Variants in C3 observed in about 807,000 individuals in gnomAD.
C3 encodes complement C3.
Under a neutral mutation model 207.9 loss-of-function variants are expected in C3, and 97 were observed. That is an observed-to-expected ratio of 0.47 (90% CI 0.40 to 0.55). C3 has a LOEUF of 0.55. C3 is among the 20% of genes least tolerant of loss of function. The pLI is 0.00. For missense variants in C3, 1,684 were observed against 2,171.7 expected, an observed-to-expected ratio of 0.78 and a Z score of 4.46; for synonymous variants, 848 against 857.6, an observed-to-expected ratio of 0.99 and a Z score of 0.20.
At chr19:6,695,000 G>A (rs183314763) in intron 23 of C3, among the ~76,000 whole-genome samples, 1 of 152,298 alleles carries the variant, frequency 6.6e-6, no homozygotes, top group East Asian at 1.9e-4. Context: ...GCTGGGCGCC[G>A]TGGCTGAAGC....
At chr19:6,707,680 A>G (rs1328695390) in intron 15 of C3, 120 bp downstream of exon 15, 5 of 1,529,564 alleles carry the variant, frequency 3.3e-6, no homozygotes, top group Non-Finnish European at 4.5e-6. Flanking sequence ...GGAGGGATTT[A>G]CTAGGTGGTG....
At chr19:6,712,158 G>A (rs1967934202) in intron 11 of C3, 99 bp downstream of exon 11, 2 of 1,464,042 alleles carry the variant, frequency 1.4e-6, no homozygotes, top group African/African-American at 2.8e-5. Context: ...ATGCAGATGA[G>A]AATATCTGTA....
At position 6,710,622 on chromosome 19, in the gene C3, GC is replaced by G; in HGVS notation, c.1686+16del. On this transcript the variant is annotated intron_variant, in intron 13 of 40. Transcript: ENST00000245907. The stretch of plus-strand genomic sequence containing the variant: ...AGGGAGAGGGAGAGGGGGCGAGCGA[GC>G]CCAGGGCACACTTACCGAGCCCACG... 6.5e-7 allele frequency: 1 copy of G among 1,531,514 alleles called. No homozygotes were observed. Among genetic ancestry groups the G allele is most frequent in the Non-Finnish European group, 9.0e-7 (1 of 1,114,650 alleles). 94.9% of individuals were successfully genotyped at this position (1,531,514 alleles called of 1,614,324 possible).
At chr19:6,682,094 A>AGAACC (rs1388808367) in intron 34 of C3, 48 bp downstream of exon 34, 1 of 1,604,268 alleles carries the variant, frequency 6.2e-7, no homozygotes, top group Non-Finnish European at 8.5e-7. Context: ...AGCCTCTTCC[A>AGAACC]GAACCCAGGC....
At chr19:6,688,073 T>A (rs1163968956) in intron 27 of C3, among the ~76,000 whole-genome samples, 1 of 151,740 alleles carries the variant, frequency 6.6e-6, no homozygotes, top group East Asian at 1.9e-4. Flanking sequence ...CTCGATCTCC[T>A]GACCTCGTGA....
At position 6,686,230 on chromosome 19, in the gene C3, T is replaced by A; in HGVS notation, c.3704A>T (p.Tyr1235Phe). 6.2e-7 allele frequency: 1 copy of A among 1,614,154 alleles called. No homozygotes were observed. Among genetic ancestry groups the A allele is most frequent in the Non-Finnish European group, 8.5e-7 (1 of 1,180,012 alleles). Residue 1235 changes from tyrosine to phenylalanine, a missense_variant, in exon 29 of 41, where the codon TAT (tyrosine) becomes TTT (phenylalanine). Tyr to Phe is a conservative substitution (Grantham distance 22). Transcript: ENST00000245907. ...TAGCTGCAGTAGGGCCAAGAGGGCA[T>A]AGGATGTGGCCTCCACGTTGTAGAG... ...KQLYNVEATS[Y>F]ALLALLQLKD... is the part of the protein sequence containing the mutation.
chr19:6,684,698 C>T, intron 31 of C3, 48 bp from the exon 32 acceptor site: 4 of 1,602,254 alleles, frequency 2.5e-6, no homozygotes, highest in Non-Finnish European at 3.4e-6. Context: ...AGGACTAGGA[C>T]TGCTGGGGAC....
At chr19:6,698,207 G>A (rs1040015258) in intron 19 of C3, among the ~76,000 whole-genome samples, 2 of 151,868 alleles carry the variant, frequency 1.3e-5, no homozygotes, top group African/African-American at 4.8e-5. Flanking sequence ...AGTAGAGATG[G>A]GGTTTCACCA....
rs141661874 is a variant in C3, at chr19:6,678,164, C to A, written c.4838G>T (p.Gly1613Val). Reference sequence around the variant, plus strand: ...GGAAAGCACTCACTTGGGCTTCTCTCCCCAGAAATCGGAGGAGAGACCCCA... The same window carrying A: ...GGAAAGCACTCACTTGGGCTTCTCTACCCAGAAATCGGAGGAGAGACCCCA... Reference protein sequence around the residue: ...LMWGLSSDFWGEKPNLSYIIG... With the variant: ...LMWGLSSDFWVEKPNLSYIIG... Residue 1613 changes from glycine to valine, a missense_variant, in exon 40 of 41, where the codon GGA becomes GTA. Gly to Val is a moderately radical substitution (Grantham distance 109). Around this residue, in one of 3 missense-constraint regions of C3, gnomAD observed 346 missense variants for 380.1 expected, o/e 0.91. Transcript: ENST00000245907. 6 of 1,614,062 alleles carry A rather than the reference C, an allele frequency of 3.7e-6. No individual in the cohort carries two copies. The highest frequency in any genetic ancestry group is 3.3e-5 in the Admixed American group (2 of 60,010).
intron 18 of C3, 84 bp from the exon 19 acceptor site, chr19:6,702,296 G>A: frequency 9.8e-7 from 1 of 1,019,158 alleles, no homozygotes; most frequent in Non-Finnish European, 1.5e-6. Context: ...GGGACCCCAA[G>A]GGACAGGCTG....
intron 27 of C3, among the ~76,000 whole-genome samples, chr19:6,689,296 CT>C (rs1918091345): frequency 9.0e-6 from 1 of 111,244 alleles, no homozygotes; most frequent in African/African-American, 3.4e-5. Flanking sequence ...GACCCCACCT[CT>C]CCTCTCTCTC....
intron 40 of C3, 31 bp downstream of exon 40, chr19:6,678,121 G>A (rs374395215): frequency 1.9e-6 from 3 of 1,613,936 alleles, no homozygotes; most frequent in Admixed American, 1.7e-5. Context: ...GCAGTCGGGC[G>A]GTCGCGCGCA....
intron 27 of C3, among the ~76,000 whole-genome samples, chr19:6,689,336 C>CTACCTACCTACCTACCT (rs1568213464): frequency 2.1e-5 from 1 of 46,756 alleles, no homozygotes; most frequent in African/African-American, 1.2e-4. Flanking sequence ...TACCTCCCTC[C>CTACCTACCTACCTACCT]CTCCCTCCCT....
intron 35 of C3, 96 bp downstream of exon 35, chr19:6,681,845 G>T: frequency 1.1e-6 from 1 of 937,816 alleles, no homozygotes; most frequent in South Asian, 1.3e-5. Flanking sequence ...GGGTTAGTCT[G>T]ACCCAGAGAC....
chr19:6,682,744 G>A (rs1049304488), intron 33 of C3: 1 of 181,672 alleles, frequency 5.5e-6, no homozygotes, highest in African/African-American at 2.4e-5. Context: ...AAGTCCATCA[G>A]TGATTGGTCA....
In C3 at chr19:6,681,914, T is replaced by C. The variant is rs201597793; in HGVS notation, c.4350+27A>G. 1,073 of 1,580,744 alleles carry C rather than the reference T, an allele frequency of 6.8e-4. 1 individual carries two copies. Among genetic ancestry groups the C allele is most frequent in the Non-Finnish European group, 6.8e-4 (787 of 1,150,418 alleles). On this transcript the variant is annotated intron_variant, in intron 35 of 40. Coordinates refer to ENST00000245907, the MANE Select transcript of C3 (RefSeq NM_000064.4). ...AGAGGTCAGGGTGCCCCTGGAAGCCTCCCAGGGGAGGATGATGCAGCCTTA... is the reference window on the plus strand; with the variant it reads ...AGAGGTCAGGGTGCCCCTGGAAGCCCCCCAGGGGAGGATGATGCAGCCTTA...
At chr19:6,696,511 C>A (rs1184837049) in intron 22 of C3, 46 bp from the exon 23 acceptor site, 5 of 1,593,416 alleles carry the variant, frequency 3.1e-6, no homozygotes, top group Admixed American at 1.7e-5. Flanking sequence ...TCCCTCCCGC[C>A]CTATCCTACC....
intron 17 of C3, among the ~76,000 whole-genome samples, chr19:6,704,842 G>A (rs1967740118): frequency 6.6e-6 from 1 of 151,624 alleles, no homozygotes; most frequent in Admixed American, 6.6e-5. Context: ...AGGTTGCGGT[G>A]AGCCGAGGTT....
intron 19 of C3, among the ~76,000 whole-genome samples, chr19:6,698,016 ATTATTAT>A (rs1568217831): frequency 2.7e-4 from 5 of 18,750 alleles, no homozygotes; most frequent in East Asian, 7.1e-3. Context: ...TATTATTATT[ATTATTAT>A]TATTAATTAT....
Sources: allele counts gnomAD v4.1 joint callset (sites outside exome capture counted in the v4.1 genomes callset), GRCh38; gene constraint gnomAD v4.1.1; regional missense constraint gnomAD v4.1.1; transcripts MANE v1.5; gene names NCBI Gene and HGNC (gene_info 2026-07-23, HGNC 2026-07-21).